The following VPS35L variants were observed in gnomAD, a reference collection of about 807,000 sequenced individuals.
The protein encoded by VPS35L is VPS35 endosomal protein-sorting factor-like.
A neutral mutation model predicts 133.0 loss-of-function variants in VPS35L; 83 were observed. The observed-to-expected ratio is 0.62, with a 90% CI of 0.52 to 0.75. The LOEUF (loss-of-function observed/expected upper bound fraction) is 0.75. Among genes scored for constraint, VPS35L ranks in the 30% least tolerant of loss-of-function variants. The pLI is 0.00. For missense variants in VPS35L, 1,083 were observed against 1,206.8 expected, an observed-to-expected ratio of 0.90 and a Z score of 1.52; for synonymous variants, 423 against 449.9, an observed-to-expected ratio of 0.94 and a Z score of 0.76.
intron 7 of VPS35L, among the ~76,000 whole-genome samples, chr16:19,588,187 G>GTATGTATGTATTTATT (rs1555498177): frequency 6.7e-6 from 1 of 149,860 alleles, no homozygotes; most frequent in Admixed American, 6.7e-5. Context: ...ATGTATGTAT[G>GTATGTATGTATTTATT]TATTTATTTA....
At chr16:19,691,567 G>A (rs1040932751) in intron 29 of VPS35L, 96 bp downstream of exon 29, 33 of 901,796 alleles carry the variant, frequency 3.7e-5, no homozygotes, top group Middle Eastern at 2.2e-4. Flanking sequence ...AGGAAACTAT[G>A]TCATGTGAGT....
intron 3 of VPS35L, among the ~76,000 whole-genome samples, chr16:19,570,197 T>C (rs1383971078): frequency 1.3e-5 from 2 of 152,248 alleles, no homozygotes; most frequent in East Asian, 3.9e-4. Context: ...GCCAAATTGC[T>C]GGGACAGGCA....
At chr16:19,583,585 C>T (rs1331754252) in intron 7 of VPS35L, among the ~76,000 whole-genome samples, 5 of 151,646 alleles carry the variant, frequency 3.3e-5, no homozygotes, top group Non-Finnish European at 7.4e-5. Flanking sequence ...AGCTGGGCCT[C>T]GTGGCACACC....
At chr16:19,656,278 A>AAG (rs1555505038) in intron 26 of VPS35L, among the ~76,000 whole-genome samples, 3,128 of 145,114 alleles carry the variant, frequency 0.022, 106 homozygotes, top group African/African-American at 0.054. Context: ...AAAAAAAAAA[A>AAG]AAAGAAAGAA....
intron 14 of VPS35L, among the ~76,000 whole-genome samples, chr16:19,620,379 A>C (rs1391608152): frequency 6.6e-6 from 1 of 152,188 alleles, no homozygotes; most frequent in Non-Finnish European, 1.5e-5. Flanking sequence ...GAAATTGTCT[A>C]GTTAGTTGTG....
intron 5 of VPS35L, among the ~76,000 whole-genome samples, chr16:19,575,870 A>G (rs1380925345): frequency 1.4e-5 from 2 of 144,340 alleles, no homozygotes; most frequent in African/African-American, 5.2e-5. Context: ...AAATATATAT[A>G]TATGGCCTGG....
rs1973158680 is a variant in VPS35L at position 19,623,758 on chromosome 16, CTTA to C, written c.1225-2416_1225-2414del. ...TTTTTTCTTTATTTTTTACTTTTTA[CTTA>C]TTTATTTATTATTATTATTATTATT... is the stretch of plus-strand genomic sequence containing the variant. On this transcript the variant is annotated intron_variant, in intron 14 of 30. Transcript: ENST00000417362. Among the ~76,000 whole-genome samples, 4 of 140,238 alleles carry C rather than the reference CTTA, an allele frequency of 2.9e-5. No individual in the cohort carries two copies. In the South Asian group the frequency reaches 6.8e-4, roughly 24 times the overall value. 92.0% of individuals were successfully genotyped at this position (140,238 alleles called of 152,430 possible). A position where few individuals can be genotyped will look rare whatever the true frequency, so the allele number is the denominator to read the frequency against.
chr16:19,595,444 A>T (rs1304681215), intron 8 of VPS35L, among the ~76,000 whole-genome samples: 12 of 152,044 alleles, frequency 7.9e-5, no homozygotes, highest in Non-Finnish European at 1.6e-4. Flanking sequence ...GGCGAGTGTG[A>T]GGCCCTCATT....
At chr16:19,596,311 A>G (rs1382069782) in intron 8 of VPS35L, among the ~76,000 whole-genome samples, 3 of 150,902 alleles carry the variant, frequency 2.0e-5, no homozygotes, top group Non-Finnish European at 2.9e-5. Context: ...GTCTCACTTC[A>G]TTGCCCAGGC....
intron 4 of VPS35L, 69 bp from the exon 5 acceptor site, chr16:19,575,029 C>A (rs1971487212): frequency 7.6e-7 from 1 of 1,318,886 alleles, no homozygotes. Flanking sequence ...ATGTAAATGG[C>A]TCTGTTGGAA....
intron 18 of VPS35L, among the ~76,000 whole-genome samples, chr16:19,632,590 T>C (rs1037703425): frequency 2.0e-5 from 3 of 152,226 alleles, no homozygotes; most frequent in African/African-American, 7.2e-5. Context: ...CAGCAGTTAA[T>C]TATAGAGACT....
intron 28 of VPS35L, among the ~76,000 whole-genome samples, chr16:19,682,994 G>T (rs1422941885): frequency 1.3e-5 from 2 of 152,180 alleles, no homozygotes; most frequent in African/African-American, 4.8e-5. Flanking sequence ...ATGTGATCTC[G>T]GCCCACTGCA....
chr16:19,693,067 A>G (rs979868236), intron 29 of VPS35L, among the ~76,000 whole-genome samples: 2 of 152,204 alleles, frequency 1.3e-5, no homozygotes, highest in South Asian at 2.1e-4. Context: ...AGGGTATGTG[A>G]CTGTGTCCTA....
Position 19,578,850 on chromosome 16 carries a change from G to C in VPS35L, c.434-202G>C, listed in dbSNP as rs1269069114. The C allele has an allele frequency of 8.4e-6, 5 of 596,308 alleles. No individual in the cohort carries two copies. The African/African-American group carries it at 9.3e-5, about 11-fold the overall frequency. The allele number at this position is 596,308 out of a possible 1,614,324, so 36.9% of individuals were successfully genotyped here. The stretch of plus-strand genomic sequence containing the variant: ...TTGAGGCTGGCCCACTGGGCTCCCA[G>C]GGGCAGCTTCTAAGTGGGAAATGTT... On this transcript the variant is annotated intron_variant, in intron 5 of 30. Transcript: ENST00000417362.
intron 14 of VPS35L, among the ~76,000 whole-genome samples, chr16:19,624,249 GGGACCAC>G (rs1193368237): frequency 1.3e-5 from 2 of 150,830 alleles, no homozygotes; most frequent in Non-Finnish European, 2.9e-5. Flanking sequence ...CTGAGTAGCT[GGGACCAC>G]AGGCACGTAC....
chr16:19,692,912 A>G (rs190544287), intron 29 of VPS35L, among the ~76,000 whole-genome samples: 17 of 152,352 alleles, frequency 1.1e-4, no homozygotes, highest in African/African-American at 3.8e-4. Context: ...TTGAGAGAGT[A>G]GGATTTTTTC....
Position 19,591,975 on chromosome 16 carries a change from G to A in VPS35L, c.724+101G>A, listed in dbSNP as rs1972058749. ...TAAATTAGGTTCTGCTGTGGTTTAA[G>A]TTATTAAGTAAGTCATGGGAGAGAT... On this transcript the variant is annotated intron_variant, in intron 8 of 30. Coordinates refer to ENST00000417362, the MANE Select transcript of VPS35L (RefSeq NM_020314.7). The A allele has an allele frequency of 3.3e-5, 31 of 926,092 alleles. No individual in the cohort carries two copies. In the East Asian group the frequency reaches 7.3e-4, roughly 22 times the overall value. The allele number at this position is 926,092 out of a possible 1,614,324, so 57.4% of individuals were successfully genotyped here.
chr16:19,628,029 C>T (rs931496025), intron 16 of VPS35L, among the ~76,000 whole-genome samples: 11 of 152,088 alleles, frequency 7.2e-5, no homozygotes, highest in African/African-American at 2.7e-4. Context: ...ATCAGATTGG[C>T]TCACTATGAA....
At chr16:19,693,211 G>A (rs1374559381) in intron 29 of VPS35L, among the ~76,000 whole-genome samples, 2 of 152,160 alleles carry the variant, frequency 1.3e-5, no homozygotes, top group Non-Finnish European at 2.9e-5. Context: ...TATCAAACCC[G>A]TGAGTATCAG....
Sources: gnomAD v4.1 joint callset for allele counts (sites outside exome capture counted in the v4.1 genomes callset) on GRCh38, gnomAD v4.1.1 for gene constraint, MANE v1.5 for transcripts, NCBI Gene and HGNC (gene_info 2026-07-23, HGNC 2026-07-21) for gene names.